SLC12A4: variants seen among roughly 807,000 people sequenced by gnomAD.
SLC12A4 encodes solute carrier family 12 member 4, also known as electroneutral potassium-chloride cotransporter 1.
SLC12A4 carries 84 observed loss-of-function variants against 119.2 expected under a neutral mutation model. The observed-to-expected ratio is 0.70, with a 90% confidence interval of 0.59 to 0.85. The LOEUF (loss-of-function observed/expected upper bound fraction) is 0.85. SLC12A4 is among the 40% of genes least tolerant of loss of function. SLC12A4 has a pLI of 0.00. For missense variants in SLC12A4, 1,298 were observed against 1,476.3 expected (o/e 0.88, Z 1.98); for synonymous variants, 599 against 604.6 (o/e 0.99, Z 0.14).
In SLC12A4 at chr16:67,949,580, C is replaced by T; in HGVS notation, c.1748+220G>A. The T allele has an allele frequency of 2.2e-6, 1 of 463,488 alleles. No homozygotes were observed. Among genetic ancestry groups the T allele is most frequent in the Non-Finnish European group, 3.8e-6 (1 of 263,552 alleles). 28.7% of individuals were successfully genotyped at this position (463,488 alleles called of 1,614,324 possible). A position where few individuals can be genotyped will look rare whatever the true frequency, so the allele number is the denominator to read the frequency against. ...GTCTGCCGGCCACCTGCTCTGGGGG[C>T]CTCAGGGAGGTGTGGACATATTGGT... On this transcript the variant is annotated intron_variant, in intron 13 of 23. Transcript: ENST00000316341. This position sits in a 1 kb window ranked among gnomAD's most constrained non-coding sequence, Gnocchi z 4.6.
rs759715011 is a variant in SLC12A4, at chr16:67,945,231, T to C, written c.3033-11A>G. On this transcript the variant is annotated splice_polypyrimidine_tract_variant and intron_variant, in intron 22 of 23. Transcript: ENST00000316341. ...ACATTGGATTGGTCCCTACACGTAG[T>C]GTAGCCAGTCACAGGTCGCCATGAG... 3 of 1,553,212 alleles carry C rather than the reference T, an allele frequency of 1.9e-6. No homozygotes were observed. The highest frequency in any genetic ancestry group is 4.5e-5 in the East Asian group (2 of 44,350).
In SLC12A4 at chr16:67,949,720, A is replaced by T. The variant is rs1007914751; in HGVS notation, c.1748+80T>A. On this transcript the variant is annotated intron_variant, in intron 13 of 23. Transcript: ENST00000316341. This position sits in a 1 kb window ranked among gnomAD's most constrained non-coding sequence, Gnocchi z 4.6. ...GCCACATCTCCCAGCTGGACCTCCA[A>T]CACCAGACGCAGCCACGGGGAGGTG... The T allele has an allele frequency of 1.0e-6, 1 of 971,898 alleles. No individual in the cohort carries two copies. Among genetic ancestry groups the T allele is most frequent in the Non-Finnish European group, 1.6e-6 (1 of 641,344 alleles). 60.2% of individuals were successfully genotyped at this position (971,898 alleles called of 1,614,324 possible). A position where few individuals can be genotyped will look rare whatever the true frequency, so the allele number is the denominator to read the frequency against.
At chr16:67,955,760 T>C (rs562876479) in intron 5 of SLC12A4, among the ~76,000 whole-genome samples, 2 of 151,902 alleles carry the variant, frequency 1.3e-5, no homozygotes, top group Non-Finnish European at 2.9e-5. Flanking sequence ...GCACCTGTAG[T>C]CCCAGCTACT....
chr16:67,953,279 C>T (rs186701248), intron 6 of SLC12A4, among the ~76,000 whole-genome samples: 40 of 151,882 alleles, frequency 2.6e-4, no homozygotes, highest in Non-Finnish European at 4.0e-4. Flanking sequence ...CCCAGCTACT[C>T]GGGAGGCTGA....
intron 1 of SLC12A4, among the ~76,000 whole-genome samples, chr16:67,965,858 C>T (rs2030844758): frequency 6.6e-6 from 1 of 152,142 alleles, no homozygotes; most frequent in Non-Finnish European, 1.5e-5. Flanking sequence ...GAGAGTGAAG[C>T]TCAAAGATGT....
Position 67,945,864 on chromosome 16 carries a change from C to T in SLC12A4, c.2747G>A (p.Ser916Asn). 1 of 1,614,050 alleles carries T rather than the reference C, an allele frequency of 6.2e-7. No homozygotes were observed. Among genetic ancestry groups the T allele is most frequent in the Non-Finnish European group, 8.5e-7 (1 of 1,180,028 alleles). ...AEVEVVEMHNSDISAYTYERT... is the reference protein window; with the variant it reads ...AEVEVVEMHNNDISAYTYERT... ...CTCGTAGGTGTATGCAGAGATGTCA[C>T]TGTTATGCTGGGGACAGGGTTGGCC... Residue 916 changes from serine to asparagine, a missense_variant, in exon 21 of 24, where the codon AGT becomes AAT. Physicochemically the swap from Ser to Asn is conservative, Grantham distance 46 (BLOSUM62 1). Coordinates refer to ENST00000316341, the MANE Select transcript of SLC12A4 (RefSeq NM_005072.5).
chr16:67,964,151 G>T (rs1217164737), intron 1 of SLC12A4: 2 of 1,455,194 alleles, frequency 1.4e-6, no homozygotes, highest in African/African-American at 2.8e-5. Context: ...GTGGATTCCA[G>T]GAGCCTTCTA....
rs781184241 is a variant in SLC12A4, at chr16:67,946,603, C to T, written c.2272G>A (p.Val758Met). The T allele has an allele frequency of 1.9e-6, 3 of 1,612,910 alleles. No homozygotes were observed. Among genetic ancestry groups the T allele is most frequent in the African/African-American group, 2.7e-5 (2 of 74,956 alleles). ...TIKNMMEIEKVKGFCQVVVAS... is the reference protein window; with the variant it reads ...TIKNMMEIEKMKGFCQVVVAS... ...ACCACCACCTGGCAGAAGCCCTTCA[C>T]CTTCTCAATTTCCATCATGTTCTTG... Residue 758 changes from valine to methionine, a missense_variant, in exon 18 of 24, where the codon GTG (valine) becomes ATG (methionine). Coordinates refer to ENST00000316341, the MANE Select transcript of SLC12A4 (RefSeq NM_005072.5).
intron 2 of SLC12A4, chr16:67,962,405 A>T (rs1253757174): frequency 6.6e-6 from 1 of 152,328 alleles, no homozygotes; most frequent in African/African-American, 2.4e-5. Context: ...CTGCTCCTGC[A>T]GCCTTCTCGA....
chr16:67,968,083 C>A (rs567902319), intron 1 of SLC12A4, among the ~76,000 whole-genome samples: 1 of 152,250 alleles, frequency 6.6e-6, no homozygotes. Flanking sequence ...ATGTGGGATT[C>A]ACCGAAGTTG....
rs1179082674 is a variant in SLC12A4 at position 67,946,623 on chromosome 16, T to G, written c.2252A>C (p.Asn751Thr). 6.2e-7 allele frequency: 1 copy of G among 1,612,218 alleles called. No individual in the cohort carries two copies. The highest frequency in any genetic ancestry group is 2.2e-5 in the East Asian group (1 of 44,842). ...EAQAAEQTIK[N>T]MMEIEKVKGF... ...CTTCACCTTCTCAATTTCCATCATGTTCTTGATGGTCTGTGGGGAACACAC... is the reference window on the plus strand; with the variant it reads ...CTTCACCTTCTCAATTTCCATCATGGTCTTGATGGTCTGTGGGGAACACAC... The change falls in exon 18 of 24, where the codon AAC (asparagine) becomes ACC (threonine). Residue 751 changes from asparagine to threonine, a missense_variant. By Grantham distance (65) the Asn-to-Thr change is moderately conservative. Transcript: ENST00000316341.
intron 3 of SLC12A4, 41 bp from the exon 4 acceptor site, chr16:67,958,085 G>T (rs780310951): frequency 6.3e-7 from 1 of 1,598,428 alleles, no homozygotes; most frequent in South Asian, 1.1e-5. Flanking sequence ...GAGCATCAGA[G>T]GGATGCACCA....
chr16:67,953,468 G>T (rs1023876984), intron 6 of SLC12A4, among the ~76,000 whole-genome samples: 2 of 152,212 alleles, frequency 1.3e-5, no homozygotes, highest in Non-Finnish European at 2.9e-5. Context: ...ATATGATTCT[G>T]TTTATATGAG....
intron 1 of SLC12A4, among the ~76,000 whole-genome samples, chr16:67,968,059 G>A (rs2030938456): frequency 6.6e-6 from 1 of 152,140 alleles, no homozygotes; most frequent in South Asian, 2.1e-4. Context: ...ATGAGGAACC[G>A]AGGCGAGAAA....
chr16:67,946,795 TCCCCCTTGTGC>T, intron 17 of SLC12A4, 131 bp downstream of exon 17: 8 of 1,230,980 alleles, frequency 6.5e-6, no homozygotes. Flanking sequence ...GACTGCTGGC[TCCCCCTTGTGC>T]CAGCTCTCAG....
Position 67,968,488 on chromosome 16 carries a change from C to T in SLC12A4, c.66G>A (p.Gly22=). Residue 22 remains glycine (G), a synonymous_variant, in exon 1 of 24, where the codon GGG becomes GGA. Coordinates refer to ENST00000316341, the MANE Select transcript of SLC12A4 (RefSeq NM_005072.5). Reference sequence around the variant, plus strand: ...GCTCCCCGTAGTCCACCCAACTGAGCCCCTCGAGGTTGTCATAGTCGCCGC... The same window carrying T: ...GCTCCCCGTAGTCCACCCAACTGAGTCCCTCGAGGTTGTCATAGTCGCCGC... The part of the protein sequence containing the change: ...PRRGDYDNLE[G]LSWVDYGERA... 1.9e-6 allele frequency: 3 copies of T among 1,586,920 alleles called. No individual in the cohort carries two copies. The highest frequency in any genetic ancestry group is 2.3e-5 in the South Asian group (2 of 88,516).
chr16:67,945,268 G>A, intron 22 of SLC12A4, 48 bp from the exon 23 acceptor site: 1 of 1,555,832 alleles, frequency 6.4e-7, no homozygotes, highest in Non-Finnish European at 8.7e-7. Context: ...CATCCTGCAA[G>A]GAGGGTCCCC....
intron 1 of SLC12A4, chr16:67,964,094 G>A: frequency 1.3e-6 from 2 of 1,522,104 alleles, no homozygotes; most frequent in South Asian, 1.2e-5. Flanking sequence ...AGGGCAGCCC[G>A]GGGCATGCCG....
chr16:67,951,510 C>A lies in SLC12A4; in HGVS notation c.1133-206G>T. On this transcript the variant is annotated intron_variant, in intron 8 of 23. Coordinates refer to ENST00000316341, the MANE Select transcript of SLC12A4 (RefSeq NM_005072.5). This position sits in a 1 kb window ranked among gnomAD's most constrained non-coding sequence, Gnocchi z 5.2. ...AAGTCGACAGACAAAGGTGGCTGAA[C>A]CACCGTCACCCAGAGCCCGCCACTG... 1.6e-6 allele frequency: 1 copy of A among 638,208 alleles called. No individual in the cohort carries two copies. Among genetic ancestry groups the A allele is most frequent in the Non-Finnish European group, 2.7e-6 (1 of 373,568 alleles). The allele number at this position is 638,208 out of a possible 1,614,324, so 39.5% of individuals were successfully genotyped here. A position where few individuals can be genotyped will look rare whatever the true frequency, so the allele number is the denominator to read the frequency against.
Sources: gnomAD v4.1 joint callset for allele counts (sites outside exome capture counted in the v4.1 genomes callset) on GRCh38, gnomAD v4.1.1 for gene constraint, Gnocchi (gnomAD v3.1) non-coding constraint, MANE v1.5 for transcripts, NCBI Gene and HGNC (gene_info 2026-07-23, HGNC 2026-07-21) for gene names.